The following PDIA5 variants were observed in gnomAD, a reference collection of about 807,000 sequenced individuals.
PDIA5 encodes the protein protein disulfide-isomerase A5.
PDIA5 carries 58 observed loss-of-function variants against 77.6 expected under a neutral mutation model. That is an observed-to-expected ratio of 0.75 (90% confidence interval 0.61 to 0.93). The LOEUF (loss-of-function observed/expected upper bound fraction) is 0.93, where lower values mean the gene tolerates loss of function less well. PDIA5 is among the 40% of genes least tolerant of loss of function. The pLI, the probability that PDIA5 is intolerant of heterozygous loss-of-function variation, is 0.00. For missense variants in PDIA5, 630 were observed against 647.7 expected, an observed-to-expected ratio of 0.97 and a Z score of 0.30; for synonymous variants, 250 against 252.1, an observed-to-expected ratio of 0.99 and a Z score of 0.08.
At chr3:123,132,988 C>T (rs906761407) in intron 11 of PDIA5, among the ~76,000 whole-genome samples, 6 of 152,194 alleles carry the variant, frequency 3.9e-5, no homozygotes, top group South Asian at 2.1e-4. Context: ...ATATACTGCC[C>T]GTCAATGTTC....
intron 14 of PDIA5, among the ~76,000 whole-genome samples, chr3:123,152,817 G>A (rs747864785): frequency 8.6e-5 from 13 of 151,974 alleles, no homozygotes; most frequent in African/African-American, 2.7e-4. Context: ...TTCCTTTTAC[G>A]CTGAATGGTC....
intron 1 of PDIA5, among the ~76,000 whole-genome samples, chr3:123,070,289 G>C (rs1015529048): frequency 1.3e-5 from 2 of 152,130 alleles, no homozygotes; most frequent in Non-Finnish European, 2.9e-5. Context: ...ATCTGAGGGT[G>C]GCTGAAGTTA....
chr3:123,093,431 C>T (rs1200986237), intron 3 of PDIA5, among the ~76,000 whole-genome samples: 2 of 152,154 alleles, frequency 1.3e-5, no homozygotes, highest in African/African-American at 4.8e-5. Flanking sequence ...GTGTGACTGG[C>T]AAAGTAAAAA....
chr3:123,128,721 C>G (rs138130414), intron 10 of PDIA5, among the ~76,000 whole-genome samples: 7 of 152,138 alleles, frequency 4.6e-5, no homozygotes, highest in Admixed American at 3.3e-4. Context: ...CACTCTGTTG[C>G]CCAGGCTGGC....
intron 6 of PDIA5, among the ~76,000 whole-genome samples, chr3:123,107,409 G>A (rs1934761623): frequency 6.6e-6 from 1 of 152,134 alleles, no homozygotes; most frequent in African/African-American, 2.4e-5. Flanking sequence ...GCTATGACAG[G>A]CCGGTTGTGG....
chr3:123,129,457 C>T (rs1935322946), intron 10 of PDIA5, among the ~76,000 whole-genome samples: 1 of 152,210 alleles, frequency 6.6e-6, no homozygotes, highest in Admixed American at 6.5e-5. Context: ...TTGTGTCAGC[C>T]ACTTCACTCC....
chr3:123,114,388 G>A (rs1352135419), intron 7 of PDIA5, among the ~76,000 whole-genome samples: 1 of 152,116 alleles, frequency 6.6e-6, no homozygotes, highest in Admixed American at 6.5e-5. Context: ...CCTGGCATTG[G>A]ACTAAGATGT....
chr3:123,153,325 GGCCTGCAGCT>G (rs1322969538), intron 14 of PDIA5, among the ~76,000 whole-genome samples: 1 of 152,268 alleles, frequency 6.6e-6, no homozygotes, highest in East Asian at 1.9e-4. Flanking sequence ...ACACACAAGG[GGCCTGCAGCT>G]GCCTGCAGGA....
intron 11 of PDIA5, among the ~76,000 whole-genome samples, chr3:123,135,987 G>T (rs1935493186): frequency 6.6e-6 from 1 of 150,826 alleles, no homozygotes; most frequent in Non-Finnish European, 1.5e-5. Flanking sequence ...TTAGAGACAG[G>T]GTCTCACTAT....
chr3:123,096,782 G>A (rs1934453380), intron 3 of PDIA5, among the ~76,000 whole-genome samples: 1 of 152,220 alleles, frequency 6.6e-6, no homozygotes, highest in African/African-American at 2.4e-5. Context: ...GGCTGGTGAT[G>A]GTTGTCCGGC....
At chr3:123,095,683 A>G (rs1487350197) in intron 3 of PDIA5, among the ~76,000 whole-genome samples, 1 of 146,336 alleles carries the variant, frequency 6.8e-6, no homozygotes, top group African/African-American at 2.6e-5. Context: ...CAGGAGGTGG[A>G]GGTTGCAGTG....
Position 123,150,251 on chromosome 3 carries a change from C to A in PDIA5, c.1160C>A (p.Pro387His). 1 of 1,613,326 alleles carries A rather than the reference C, an allele frequency of 6.2e-7. No homozygotes were observed. Among genetic ancestry groups the A allele is most frequent in the Non-Finnish European group, 8.5e-7 (1 of 1,179,450 alleles). The change falls in exon 14 of 17, where the codon CCC becomes CAC. Residue 387 changes from proline (P) to histidine (H), a missense_variant. Coordinates refer to ENST00000316218, the MANE Select transcript of PDIA5 (RefSeq NM_006810.4). ...TCTTGCAGCCCTGAGGCCCCCCCGC[C>A]CCCAGAGCCCACGTGGGAAGAGCAG... ...EWMQNPEAPPPPEPTWEEQQT... is the reference protein window; with the variant it reads ...EWMQNPEAPPHPEPTWEEQQT...
At chr3:123,096,084 G>A (rs1934428996) in intron 3 of PDIA5, among the ~76,000 whole-genome samples, 1 of 152,110 alleles carries the variant, frequency 6.6e-6, no homozygotes, top group Admixed American at 6.5e-5. Context: ...TTGGAAGGGT[G>A]CCTATCCTTC....
chr3:123,157,743 C>T (rs577119427), intron 15 of PDIA5, among the ~76,000 whole-genome samples: 1 of 152,244 alleles, frequency 6.6e-6, no homozygotes, highest in African/African-American at 2.4e-5. Flanking sequence ...GCCTCCACCC[C>T]CTCCCGGGAG....
chr3:123,146,185 G>C lies in PDIA5; in HGVS notation c.1068G>C (p.Lys356Asn), dbSNP rs1465687355. The C allele has an allele frequency of 6.2e-7, 1 of 1,614,134 alleles. No homozygotes were observed. The highest frequency in any genetic ancestry group is 1.1e-5 in the South Asian group (1 of 91,090). ...RFHISEFPTL[K>N]YFKNGEKYAV... ...ACATCTCAGAGTTTCCTACGTTGAAGTATTTTAAGAATGGAGAGAAATACG... is the reference window on the plus strand; with the variant it reads ...ACATCTCAGAGTTTCCTACGTTGAACTATTTTAAGAATGGAGAGAAATACG... The change falls in exon 13 of 17, where the codon AAG (lysine) becomes AAC (asparagine). Residue 356 changes from lysine to asparagine, a missense_variant. Transcript: ENST00000316218.
chr3:123,133,890 A>G (rs868520634), intron 11 of PDIA5, among the ~76,000 whole-genome samples: 29 of 152,384 alleles, frequency 1.9e-4, no homozygotes, highest in Middle Eastern at 6.8e-3. Flanking sequence ...AATATAGGAA[A>G]GTATAGAGAA....
intron 3 of PDIA5, among the ~76,000 whole-genome samples, chr3:123,095,994 G>T (rs747111760): frequency 3.9e-5 from 6 of 152,124 alleles, no homozygotes; most frequent in Admixed American, 1.3e-4. Flanking sequence ...TGGTGTGTGT[G>T]TTATAAGCGT....
chr3:123,108,189 G>A (rs1230137566), intron 6 of PDIA5, among the ~76,000 whole-genome samples: 1 of 151,944 alleles, frequency 6.6e-6, no homozygotes, highest in East Asian at 1.9e-4. Context: ...ATCATTGTGA[G>A]CCAACCTAGT....
chr3:123,090,406 G>A (rs1258388225), intron 2 of PDIA5, among the ~76,000 whole-genome samples: 2 of 152,304 alleles, frequency 1.3e-5, no homozygotes, highest in African/African-American at 2.4e-5. Context: ...TGATAGACAC[G>A]CTCCATTCCT....
Sources: gnomAD v4.1 joint callset for allele counts (sites outside exome capture counted in the v4.1 genomes callset) on GRCh38, gnomAD v4.1.1 for gene constraint, MANE v1.5 for transcripts, NCBI Gene and HGNC (gene_info 2026-07-23, HGNC 2026-07-21) for gene names.